SNX29: variants seen among roughly 807,000 people sequenced by gnomAD.
The protein encoded by SNX29 is sorting nexin-29.
Under a neutral mutation model 102.1 loss-of-function variants are expected in SNX29, and 78 were observed. That is an observed-to-expected ratio of 0.76 (90% CI 0.64 to 0.92). SNX29 has a LOEUF of 0.92. SNX29 is among the 40% of genes least tolerant of loss of function. SNX29 has a pLI of 0.00. For synonymous variants in SNX29, 580 were observed against 414.5 expected (o/e 1.40, Z -4.85); for missense variants, 1,280 against 1,061.7 (o/e 1.21, Z -2.86).
At chr16:12,397,093 G>A (rs956182001) in intron 16 of SNX29, among the ~76,000 whole-genome samples, 53 of 152,192 alleles carry the variant, frequency 3.5e-4, no homozygotes, top group African/African-American at 1.2e-3. Flanking sequence ...AGGTCTTGCT[G>A]TGTTGCCCAG....
intron 15 of SNX29, among the ~76,000 whole-genome samples, chr16:12,288,537 C>G (rs568368608): frequency 1.1e-4 from 16 of 152,146 alleles, no homozygotes; most frequent in Admixed American, 5.2e-4. Context: ...TTTCTTCTAC[C>G]TCCAGCTTGC....
At chr16:12,138,799 G>A (rs1311254305) in intron 13 of SNX29, among the ~76,000 whole-genome samples, 2 of 152,084 alleles carry the variant, frequency 1.3e-5, no homozygotes, top group Non-Finnish European at 2.9e-5. Flanking sequence ...CTAGGCTGCT[G>A]GCAAAAGGCA....
At chr16:12,516,481 G>GA (rs5815691) in intron 19 of SNX29, among the ~76,000 whole-genome samples, 68,884 of 109,310 alleles carry the variant, frequency 0.63, 21,522 homozygotes, top group Admixed American at 0.71. Flanking sequence ...TCCCGTCTCA[G>GA]AAAAAAAAAA....
Position 12,571,639 on chromosome 16 carries a change from A to G in SNX29, c.*3010A>G, listed in dbSNP as rs2079189861. The G allele has an allele frequency of 7.6e-6, 8 of 1,058,836 alleles. No homozygotes were observed. The South Asian group carries it at 1.4e-4, about 18-fold the overall frequency. The allele number at this position is 1,058,836 out of a possible 1,614,324, so 65.6% of individuals were successfully genotyped here. A position where few individuals can be genotyped will look rare whatever the true frequency, so the allele number is the denominator to read the frequency against. On this transcript the variant is annotated 3_prime_UTR_variant, in exon 21 of 21. Transcript: ENST00000566228. ...TTTCACATCTTTTTTTCTCCCCCAG[A>G]TGAAAGACGACTCAGGAACGGTAGG...
At chr16:12,453,320 C>G (rs1001988430) in intron 18 of SNX29, among the ~76,000 whole-genome samples, 1 of 152,356 alleles carries the variant, frequency 6.6e-6, no homozygotes, top group East Asian at 1.9e-4. Flanking sequence ...GCAACCACCA[C>G]TGTACACTAG....
chr16:12,550,965 T>C (rs1359724562), intron 20 of SNX29, among the ~76,000 whole-genome samples: 1 of 152,198 alleles, frequency 6.6e-6, no homozygotes, highest in Non-Finnish European at 1.5e-5. Context: ...AGAATGGGCT[T>C]AGGGCACAAC....
At chr16:12,554,305 C>T (rs538933152) in intron 20 of SNX29, among the ~76,000 whole-genome samples, 1 of 152,338 alleles carries the variant, frequency 6.6e-6, no homozygotes, top group African/African-American at 2.4e-5. Flanking sequence ...TATGAGGTTT[C>T]AGTTTTAACT....
intron 20 of SNX29, among the ~76,000 whole-genome samples, chr16:12,544,032 C>G (rs951707580): frequency 6.6e-6 from 1 of 152,328 alleles, no homozygotes; most frequent in East Asian, 1.9e-4. Context: ...ACCCCGTTGA[C>G]TCATCACATT....
intron 15 of SNX29, among the ~76,000 whole-genome samples, chr16:12,352,818 T>C (rs1261604569): frequency 6.6e-6 from 1 of 152,216 alleles, no homozygotes; most frequent in African/African-American, 2.4e-5. Flanking sequence ...TTACTTTTGA[T>C]TTGTCACTGT....
intron 18 of SNX29, among the ~76,000 whole-genome samples, chr16:12,436,843 G>C (rs533963856): frequency 6.6e-6 from 1 of 152,228 alleles, no homozygotes; most frequent in African/African-American, 2.4e-5. Flanking sequence ...AGTAGAGATG[G>C]GGTTTTGCCA....
chr16:12,319,005 C>T (rs1372145491), intron 15 of SNX29, among the ~76,000 whole-genome samples: 1 of 152,110 alleles, frequency 6.6e-6, no homozygotes, highest in Non-Finnish European at 1.5e-5. Flanking sequence ...TCCCTTCAGA[C>T]CCCCAGTAAA....
At chr16:12,086,195 G>A (rs1488303509) in intron 11 of SNX29, among the ~76,000 whole-genome samples, 1 of 151,874 alleles carries the variant, frequency 6.6e-6, no homozygotes, top group Non-Finnish European at 1.5e-5. Context: ...TAGTAGAGAC[G>A]GGATTTCACT....
chr16:11,988,610 G>T (rs2055724229), intron 1 of SNX29, among the ~76,000 whole-genome samples: 1 of 152,146 alleles, frequency 6.6e-6, no homozygotes, highest in Non-Finnish European at 1.5e-5. Flanking sequence ...GTATTGCCCA[G>T]GCTGGTCTCA....
chr16:12,498,082 C>T (rs189893824), intron 19 of SNX29, among the ~76,000 whole-genome samples: 1 of 152,162 alleles, frequency 6.6e-6, no homozygotes, highest in Non-Finnish European at 1.5e-5. Context: ...AGGGTCAGAA[C>T]TGAGGTGCCA....
intron 3 of SNX29, among the ~76,000 whole-genome samples, chr16:12,025,681 G>A (rs1037319043): frequency 2.0e-5 from 3 of 152,206 alleles, no homozygotes; most frequent in Non-Finnish European, 2.9e-5. Flanking sequence ...TGTCTGTCAT[G>A]GGCACCGAAT....
intron 14 of SNX29, among the ~76,000 whole-genome samples, chr16:12,250,466 C>G (rs1260326582): frequency 1.3e-5 from 2 of 152,132 alleles, no homozygotes; most frequent in African/African-American, 4.8e-5. Flanking sequence ...TGTTAGCTGA[C>G]CAGAAGCACA....
chr16:12,262,048 GGAGT>G (rs1294026862), intron 14 of SNX29, among the ~76,000 whole-genome samples: 1 of 147,388 alleles, frequency 6.8e-6, no homozygotes, highest in African/African-American at 2.5e-5. Context: ...GTCCCCGGCT[GGAGT>G]GAGTGTTTGC....
At chr16:12,204,673 G>A (rs1220574564) in intron 14 of SNX29, among the ~76,000 whole-genome samples, 1 of 152,214 alleles carries the variant, frequency 6.6e-6, no homozygotes, top group Admixed American at 6.5e-5. Context: ...ACAGATGAGG[G>A]AGGCTTGGGA....
chr16:12,149,336 C>G (rs985508120), intron 13 of SNX29, among the ~76,000 whole-genome samples: 4 of 152,332 alleles, frequency 2.6e-5, no homozygotes, highest in Middle Eastern at 3.4e-3. Flanking sequence ...CCTGAACTTA[C>G]TCTGCTAGGG....
Sources: allele counts gnomAD v4.1 joint callset (sites outside exome capture counted in the v4.1 genomes callset), GRCh38; gene constraint gnomAD v4.1.1; transcripts MANE v1.5; gene names NCBI Gene and HGNC (gene_info 2026-07-23, HGNC 2026-07-21).